The following CUBN variants were observed in gnomAD, a reference collection of about 807,000 sequenced individuals.
CUBN encodes the protein 460 kDa receptor.
A neutral mutation model predicts 405.3 loss-of-function variants in CUBN; 282 were observed. The ratio of observed to expected loss-of-function variants is 0.70; its 90% CI spans 0.63 to 0.77. The LOEUF (loss-of-function observed/expected upper bound fraction) is 0.77. Among genes scored for constraint, CUBN ranks in the 30% least tolerant of loss-of-function variants. The probability of loss-of-function intolerance (pLI) is 0.00; values close to 1 mark genes in which losing one functional copy is unlikely to be tolerated. For synonymous variants in CUBN, 1,684 were observed against 1,617.0 expected (o/e 1.04, Z -0.99); for missense variants, 4,514 against 4,475.2 (o/e 1.01, Z -0.25).
intron 10 of CUBN, 90 bp downstream of exon 10, chr10:17,109,550 G>A: frequency 1.9e-6 from 2 of 1,078,348 alleles, no homozygotes. Context: ...TAACAATTTT[G>A]AGAACAGAGG....
chr10:16,934,743 G>C (rs1026089176), intron 39 of CUBN, among the ~76,000 whole-genome samples: 1 of 152,122 alleles, frequency 6.6e-6, no homozygotes, highest in African/African-American at 2.4e-5. Flanking sequence ...ACTTTACAGT[G>C]AGCACTTTTA....
At chr10:17,122,944 G>T in intron 5 of CUBN, 46 bp from the exon 6 acceptor site, 1 of 1,315,538 alleles carries the variant, frequency 7.6e-7, no homozygotes, top group Non-Finnish European at 1.1e-6. Context: ...GGTCACAGAG[G>T]TATCTGGAGC....
chr10:16,964,832 T>C (rs1287541394), intron 31 of CUBN, among the ~76,000 whole-genome samples: 1 of 152,192 alleles, frequency 6.6e-6, no homozygotes, highest in Non-Finnish European at 1.5e-5. Flanking sequence ...AAAGCATCTG[T>C]TCATTGCCTA....
rs185111429 is a variant in CUBN at position 16,847,228 on chromosome 10, G to A, written c.9663+4007C>T. On this transcript the variant is annotated intron_variant, in intron 60 of 66. Coordinates refer to ENST00000377833, the MANE Select transcript of CUBN (RefSeq NM_001081.4). ...AGCACTTTGGGAGGCCGAGGCGGGC[G>A]GATCCCAAGGTCAGGACATCGAGAC... Among the ~76,000 whole-genome samples the A allele has an allele frequency of 7.0e-3, 1,066 of 152,258 alleles. 14 individuals are homozygous for A. Among genetic ancestry groups the A allele is most frequent in the African/African-American group, 0.024 (978 of 41,554 alleles).
At chr10:16,864,198 G>T (rs1840097430) in intron 59 of CUBN, among the ~76,000 whole-genome samples, 1 of 152,092 alleles carries the variant, frequency 6.6e-6, no homozygotes, top group Non-Finnish European at 1.5e-5. Context: ...CAAGGCCTGG[G>T]GATTTAATCA....
intron 59 of CUBN, among the ~76,000 whole-genome samples, chr10:16,860,144 G>T (rs1839973489): frequency 6.6e-6 from 1 of 151,614 alleles, no homozygotes; most frequent in Non-Finnish European, 1.5e-5. Context: ...AAAAGAAGTG[G>T]GACAAACAAA....
In CUBN at chr10:17,129,739, A is replaced by G; in HGVS notation, c.27T>C (p.Leu9=). 6.2e-7 allele frequency: 1 copy of G among 1,614,142 alleles called. No homozygotes were observed. The highest frequency in any genetic ancestry group is 2.2e-5 in the East Asian group (1 of 44,874). The change falls in exon 1 of 67, where the codon CTT becomes CTC. Residue 9 remains leucine (L), a synonymous_variant. Coordinates refer to ENST00000377833, the MANE Select transcript of CUBN (RefSeq NM_001081.4). MMNMSLPF[L]WSLLTLLIFA... The stretch of plus-strand genomic sequence containing the variant: ...ATATTAATAAGGTAAGCAAACTCCA[A>G]AGAAAAGGTAAAGACATGTTCATCA...
chr10:16,829,708 G>A (rs566491925), intron 65 of CUBN, among the ~76,000 whole-genome samples: 16 of 152,294 alleles, frequency 1.1e-4, no homozygotes, highest in African/African-American at 3.9e-4. Context: ...GAAGCTGGCT[G>A]GCATAGTTAC....
intron 17 of CUBN, among the ~76,000 whole-genome samples, chr10:17,078,202 T>C (rs1199991972): frequency 6.6e-6 from 1 of 152,180 alleles, no homozygotes; most frequent in Non-Finnish European, 1.5e-5. Context: ...CCCAGGCTCT[T>C]TATCTCGGTC....
rs144759413 is a variant in CUBN at position 17,060,727 on chromosome 10, A to C, written c.3139+4781T>G. On this transcript the variant is annotated intron_variant, in intron 22 of 66. Coordinates refer to ENST00000377833, the MANE Select transcript of CUBN (RefSeq NM_001081.4). ...TACAGAATTCAAGGTCGATAGAAAT[A>C]ATCAGAGAGGCTTGTGAGTTGTCCA... Among the ~76,000 whole-genome samples, 1,198 of 152,270 alleles carry C rather than the reference A, an allele frequency of 7.9e-3. 16 individuals are homozygous for C. Among genetic ancestry groups the C allele is most frequent in the Non-Finnish European group, 7.6e-3 (515 of 68,020 alleles).
chr10:17,037,075 T>A (rs970127777), intron 27 of CUBN, among the ~76,000 whole-genome samples: 1 of 152,212 alleles, frequency 6.6e-6, no homozygotes. Context: ...CTGTGAGAAT[T>A]ACCTGGCAAA....
chr10:17,052,051 G>A (rs971627783), intron 22 of CUBN, among the ~76,000 whole-genome samples: 6 of 152,066 alleles, frequency 3.9e-5, no homozygotes, highest in Non-Finnish European at 8.8e-5. Context: ...AGTTGGGGCG[G>A]GGGGGAAGCC....
At chr10:16,856,567 T>C (rs1034469344) in intron 59 of CUBN, among the ~76,000 whole-genome samples, 14 of 152,234 alleles carry the variant, frequency 9.2e-5, no homozygotes, top group African/African-American at 3.4e-4. Context: ...AAAAAATAGT[T>C]ACATTCTCTT....
At chr10:16,973,634 C>G (rs1025462471) in intron 31 of CUBN, among the ~76,000 whole-genome samples, 1 of 152,144 alleles carries the variant, frequency 6.6e-6, no homozygotes, top group Non-Finnish European at 1.5e-5. Context: ...AACTTGCTCC[C>G]TCCTCCCAGC....
At chr10:17,024,880 A>G (rs1441387293) in intron 27 of CUBN, among the ~76,000 whole-genome samples, 1 of 152,218 alleles carries the variant, frequency 6.6e-6, no homozygotes, top group Non-Finnish European at 1.5e-5. Flanking sequence ...CATCTAATTC[A>G]TACTGTTTGT....
intron 55 of CUBN, among the ~76,000 whole-genome samples, chr10:16,890,096 G>A (rs1021055348): frequency 1.1e-4 from 17 of 152,128 alleles, no homozygotes; most frequent in Non-Finnish European, 1.8e-4. Context: ...TAACGAACTA[G>A]CCATCTGCGC....
At position 16,967,410 on chromosome 10, in the gene CUBN, C is replaced by A. The variant is rs537640140; in HGVS notation, c.4696-12862G>T. Among the ~76,000 whole-genome samples, 6 of 152,286 alleles carry A rather than the reference C, an allele frequency of 3.9e-5. No individual in the cohort carries two copies. In the East Asian group the frequency reaches 1.2e-3, roughly 29 times the overall value. ...AATAAACATTTAAGGAGAGTCTGAG[C>A]TGAAATGGAAACCAAGCCAAACCAA... On this transcript the variant is annotated intron_variant, in intron 31 of 66. Coordinates refer to ENST00000377833, the MANE Select transcript of CUBN (RefSeq NM_001081.4).
At chr10:17,004,278 A>G (rs1271436146) in intron 28 of CUBN, among the ~76,000 whole-genome samples, 6 of 152,316 alleles carry the variant, frequency 3.9e-5, no homozygotes, top group South Asian at 2.1e-4. Flanking sequence ...GACAAAGACT[A>G]ACGTGGTATT....
Position 16,824,947 on chromosome 10 carries a change from T to G in CUBN, c.*28A>C. ...TGTCCAGCGTGCTGCAGAGGGAAAG[T>G]GCTGAGTGAACACGAGTTGTTACCC... On this transcript the variant is annotated 3_prime_UTR_variant, in exon 67 of 67. Transcript: ENST00000377833. 6.6e-7 allele frequency: 1 copy of G among 1,514,968 alleles called. No homozygotes were observed. The highest frequency in any genetic ancestry group is 9.2e-7 in the Non-Finnish European group (1 of 1,090,066). 93.8% of individuals were successfully genotyped at this position (1,514,968 alleles called of 1,614,324 possible).
Sources: gnomAD v4.1 joint callset for allele counts (sites outside exome capture counted in the v4.1 genomes callset) on GRCh38, gnomAD v4.1.1 for gene constraint, MANE v1.5 for transcripts, NCBI Gene and HGNC (gene_info 2026-07-23, HGNC 2026-07-21) for gene names.